The following INTS7 variants were observed in gnomAD, a reference collection of about 807,000 sequenced individuals.
The protein encoded by INTS7 is chromosome 1 open reading frame 73.
A neutral mutation model predicts 109.2 loss-of-function variants in INTS7; 46 were observed. The observed-to-expected ratio is 0.42, with a 90% CI of 0.33 to 0.54. The LOEUF (loss-of-function observed/expected upper bound fraction) is 0.54, where lower values mean the gene tolerates loss of function less well. Ranked by LOEUF, INTS7 falls within the 20% of genes least tolerant of loss-of-function variation. The pLI is 0.07. For synonymous variants in INTS7, 412 were observed against 402.9 expected, an observed-to-expected ratio of 1.02 and a Z score of -0.27; for missense variants, 929 against 1,132.4, an observed-to-expected ratio of 0.82 and a Z score of 2.58.
At chr1:211,976,437 C>A in intron 12 of INTS7, 145 bp downstream of exon 12, 1 of 670,106 alleles carries the variant, frequency 1.5e-6, no homozygotes. Context: ...AAATCAGGTC[C>A]TTTCCTTCCT....
At chr1:212,028,957 T>A (rs1667041639) in intron 1 of INTS7, among the ~76,000 whole-genome samples, 1 of 152,196 alleles carries the variant, frequency 6.6e-6, no homozygotes, top group Admixed American at 6.5e-5. Context: ...TGCTAACCAC[T>A]ATGCTAAAAT....
In INTS7 at chr1:211,946,701, G is replaced by A; in HGVS notation, c.2321C>T (p.Thr774Ile). ...AATGATGGCATTGCAGAGGCATGCT[G>A]TGTGCTGGGGGAAAAAAGAAACTAA... ...RKYTPVSYMH[T>I]ACLCNAIIAL... The change falls in exon 18 of 20, where the codon ACA (threonine) becomes ATA (isoleucine). Residue 774 changes from threonine to isoleucine, a missense_variant. Coordinates refer to ENST00000366994, the MANE Select transcript of INTS7 (RefSeq NM_015434.4). This position sits in a 1 kb window ranked among gnomAD's most constrained non-coding sequence, Gnocchi z 4.3. 1 of 1,599,902 alleles carries A rather than the reference G, an allele frequency of 6.3e-7. No homozygotes were observed. The highest frequency in any genetic ancestry group is 1.1e-5 in the South Asian group (1 of 88,332).
intron 9 of INTS7, among the ~76,000 whole-genome samples, chr1:211,981,785 T>C (rs1015303633): frequency 1.3e-5 from 2 of 152,220 alleles, no homozygotes; most frequent in Admixed American, 1.3e-4. Context: ...TCTGAATATA[T>C]TAGTTACCTT....
intron 4 of INTS7, among the ~76,000 whole-genome samples, chr1:212,013,996 G>A (rs1666284210): frequency 6.6e-6 from 1 of 152,144 alleles, no homozygotes; most frequent in Admixed American, 6.5e-5. Context: ...CTCTCTCAAT[G>A]AGGGAAAAAA....
chr1:211,990,210 C>T (rs1033815962), intron 7 of INTS7, among the ~76,000 whole-genome samples: 3 of 151,466 alleles, frequency 2.0e-5, no homozygotes, highest in Non-Finnish European at 4.4e-5. Context: ...CAACAGTAAC[C>T]GTGAAAGTAT....
chr1:212,006,864 C>A, intron 6 of INTS7, 103 bp from the exon 7 acceptor site: 1 of 907,278 alleles, frequency 1.1e-6, no homozygotes, highest in South Asian at 2.1e-5. Context: ...GGACTCACTT[C>A]AAATCAGAGC....
intron 4 of INTS7, among the ~76,000 whole-genome samples, chr1:212,014,677 C>T (rs1427589155): frequency 1.3e-5 from 2 of 151,748 alleles, no homozygotes; most frequent in African/African-American, 4.8e-5. Context: ...TGCCAAGTGC[C>T]TGGGATTGCA....
At chr1:212,035,305 C>T (rs753484596) in intron 1 of INTS7, 39 bp downstream of exon 1, 2 of 1,376,148 alleles carry the variant, frequency 1.5e-6, no homozygotes, top group Admixed American at 1.7e-5. Context: ...CACTTCCCCC[C>T]ACGCCTGTTT....
chr1:211,985,085 CTG>C (rs1201319766), intron 8 of INTS7, among the ~76,000 whole-genome samples: 5 of 152,160 alleles, frequency 3.3e-5, no homozygotes, highest in African/African-American at 1.2e-4. Context: ...TCTGGGTTAT[CTG>C]TAATTTAATG....
At chr1:212,027,154 G>A (rs570366513) in intron 1 of INTS7, among the ~76,000 whole-genome samples, 68 of 152,264 alleles carry the variant, frequency 4.5e-4, no homozygotes, top group South Asian at 6.2e-4. Flanking sequence ...GGCTGGCTCC[G>A]AAGGACAGGA....
intron 7 of INTS7, among the ~76,000 whole-genome samples, chr1:211,999,685 T>C (rs1665574758): frequency 1.3e-5 from 2 of 152,212 alleles, no homozygotes; most frequent in African/African-American, 2.4e-5. Context: ...GCGGTCAATC[T>C]GTACCAAGAA....
chr1:211,978,599 A>G (rs1664524902), intron 10 of INTS7, 88 bp from the exon 11 acceptor site: 1 of 1,456,904 alleles, frequency 6.9e-7, no homozygotes, highest in Non-Finnish European at 9.4e-7. Context: ...GTTACTGGGG[A>G]AACTCAAGGG....
At chr1:212,021,909 A>T (rs1479471378) in intron 1 of INTS7, among the ~76,000 whole-genome samples, 1 of 152,124 alleles carries the variant, frequency 6.6e-6, no homozygotes, top group Admixed American at 6.6e-5. Context: ...AAATTAGAAA[A>T]ATATTTTGAA....
At chr1:211,966,604 G>A (rs1323573661) in intron 15 of INTS7, 106 bp from the exon 16 acceptor site, 6 of 696,630 alleles carry the variant, frequency 8.6e-6, no homozygotes, top group East Asian at 5.1e-5. Context: ...CCTAGTGAAG[G>A]TAATCATAAT....
At chr1:212,008,646 A>T (rs1666038983) in intron 5 of INTS7, among the ~76,000 whole-genome samples, 1 of 152,140 alleles carries the variant, frequency 6.6e-6, no homozygotes, top group Admixed American at 6.6e-5. Context: ...CTGCACTAGG[A>T]GGTCTCAGAA....
intron 4 of INTS7, among the ~76,000 whole-genome samples, chr1:212,012,202 T>G (rs1255526929): frequency 6.6e-6 from 1 of 151,982 alleles, no homozygotes; most frequent in African/African-American, 2.4e-5. Context: ...AGTTTGTAAC[T>G]CCTGCTTTGC....
In INTS7 at chr1:212,031,287, C is replaced by A. The variant is rs543089570; in HGVS notation, c.94+4057G>T. Among the ~76,000 whole-genome samples the A allele has an allele frequency of 3.3e-5, 5 of 152,338 alleles. No individual in the cohort carries two copies. In the South Asian group the frequency reaches 1.0e-3, roughly 32 times the overall value. ...TTCCCAAATCATCAGGATAACCTTC[C>A]ATCAGCTGATCTAAAAATGTTTAGA... On this transcript the variant is annotated intron_variant, in intron 1 of 19. Coordinates refer to ENST00000366994, the MANE Select transcript of INTS7 (RefSeq NM_015434.4).
At chr1:212,020,971 A>G in intron 2 of INTS7, 112 bp downstream of exon 2, 1 of 965,262 alleles carries the variant, frequency 1.0e-6, no homozygotes, top group Non-Finnish European at 1.5e-6. Flanking sequence ...TGTGTCCACT[A>G]ATGGTAACTA....
chr1:212,004,976 G>A (rs1192055196), intron 7 of INTS7, among the ~76,000 whole-genome samples: 1 of 152,142 alleles, frequency 6.6e-6, no homozygotes, highest in Non-Finnish European at 1.5e-5. Flanking sequence ...AAAACAGTTT[G>A]ACATCATCTG....
Sources: gnomAD v4.1 joint callset for allele counts (sites outside exome capture counted in the v4.1 genomes callset) on GRCh38, gnomAD v4.1.1 for gene constraint, Gnocchi (gnomAD v3.1) non-coding constraint, MANE v1.5 for transcripts, NCBI Gene and HGNC (gene_info 2026-07-23, HGNC 2026-07-21) for gene names.